Variants in CADM2 observed in about 807,000 individuals in gnomAD.
CADM2 encodes cell adhesion molecule 2.
In CADM2, 12 loss-of-function variants were observed where a neutral mutation model predicts 49.8. The ratio of observed to expected loss-of-function variants is 0.24; its 90% confidence interval spans 0.15 to 0.39. The LOEUF is 0.39. Ranked by LOEUF, CADM2 falls within the 10% of genes least tolerant of loss-of-function variation. The pLI is 1.00. For synonymous variants in CADM2, 214 were observed against 175.4 expected, an observed-to-expected ratio of 1.22 and a Z score of -1.74; for missense variants, 378 against 492.3, an observed-to-expected ratio of 0.77 and a Z score of 2.20.
chr3:85,513,466 G>T (rs1310885263), intron 1 of CADM2, among the ~76,000 whole-genome samples: 3 of 151,746 alleles, frequency 2.0e-5, no homozygotes, highest in East Asian at 3.9e-4. Flanking sequence ...CATCTCTGGG[G>T]TCCTTTGTAG....
At chr3:85,121,934 C>T (rs758368565) in intron 1 of CADM2, among the ~76,000 whole-genome samples, 15 of 152,068 alleles carry the variant, frequency 9.9e-5, no homozygotes, top group Non-Finnish European at 1.6e-4. Flanking sequence ...AATTTATCTT[C>T]GCTATCTTAT....
At chr3:85,570,136 G>A (rs1217506383) in intron 1 of CADM2, among the ~76,000 whole-genome samples, 1 of 151,998 alleles carries the variant, frequency 6.6e-6, no homozygotes, top group Non-Finnish European at 1.5e-5. Flanking sequence ...CTTATCCTAA[G>A]GATAGTCATT....
At chr3:85,635,491 T>C (rs2064442834) in intron 1 of CADM2, among the ~76,000 whole-genome samples, 1 of 152,160 alleles carries the variant, frequency 6.6e-6, no homozygotes, top group Non-Finnish European at 1.5e-5. Flanking sequence ...TTGCACACTA[T>C]AGAAATTTTT....
chr3:85,392,082 T>C (rs1012078287), intron 1 of CADM2, among the ~76,000 whole-genome samples: 1 of 152,034 alleles, frequency 6.6e-6, no homozygotes, highest in African/African-American at 2.4e-5. Context: ...AGAACAGAAA[T>C]AATATTTTCA....
At chr3:85,782,976 C>T (rs2070748199) in intron 2 of CADM2, among the ~76,000 whole-genome samples, 1 of 152,134 alleles carries the variant, frequency 6.6e-6, no homozygotes, top group South Asian at 2.1e-4. Flanking sequence ...GTAAACAGTG[C>T]AAAACTTAAG....
intron 1 of CADM2, among the ~76,000 whole-genome samples, chr3:85,565,723 GA>G (rs1475066287): frequency 1.3e-5 from 2 of 151,952 alleles, no homozygotes; most frequent in Non-Finnish European, 2.9e-5. Context: ...GTAAGATAGG[GA>G]AAATAAGATG....
At chr3:85,082,868 TA>T (rs2037222060) in intron 1 of CADM2, among the ~76,000 whole-genome samples, 1 of 152,118 alleles carries the variant, frequency 6.6e-6, no homozygotes, top group Non-Finnish European at 1.5e-5. Context: ...CATCCCTTCC[TA>T]AAACACACGC....
intron 8 of CADM2, among the ~76,000 whole-genome samples, chr3:86,056,934 T>A (rs757434707): frequency 2.0e-5 from 3 of 152,222 alleles, no homozygotes; most frequent in African/African-American, 7.2e-5. Flanking sequence ...TTGTGTTTGC[T>A]TGGATTTGCT....
At chr3:85,287,630 C>A (rs115790191) in intron 1 of CADM2, among the ~76,000 whole-genome samples, 4,254 of 152,106 alleles carry the variant, frequency 0.028, 181 homozygotes, top group African/African-American at 0.096. Context: ...TACAAATATG[C>A]ATGGACTTAA....
At chr3:85,524,139 A>G (rs1376975682) in intron 1 of CADM2, among the ~76,000 whole-genome samples, 2 of 152,148 alleles carry the variant, frequency 1.3e-5, no homozygotes, top group Admixed American at 6.5e-5. Flanking sequence ...TAAATTGACT[A>G]AAGTTTGATG....
intron 1 of CADM2, among the ~76,000 whole-genome samples, chr3:85,550,880 T>C (rs904849881): frequency 6.6e-6 from 1 of 152,344 alleles, no homozygotes; most frequent in East Asian, 1.9e-4. Context: ...TGCACAGGTG[T>C]TTTGTACATG....
chr3:85,097,633 C>T (rs2037850203), intron 1 of CADM2, among the ~76,000 whole-genome samples: 1 of 152,128 alleles, frequency 6.6e-6, no homozygotes, highest in Admixed American at 6.6e-5. Context: ...AAAAGTGTTC[C>T]TATTTCTAAG....
intron 1 of CADM2, among the ~76,000 whole-genome samples, chr3:85,067,621 A>G (rs1283115180): frequency 6.6e-6 from 1 of 152,158 alleles, no homozygotes; most frequent in Non-Finnish European, 1.5e-5. Flanking sequence ...ATGCTCAATT[A>G]CGAATGAGTC....
intron 1 of CADM2, among the ~76,000 whole-genome samples, chr3:85,477,399 A>AGAT: frequency 6.6e-6 from 1 of 151,560 alleles, no homozygotes; most frequent in East Asian, 2.0e-4. Flanking sequence ...ATGAAAAAAA[A>AGAT]ATGTTAAAAT....
intron 1 of CADM2, among the ~76,000 whole-genome samples, chr3:85,190,967 A>G (rs2041193708): frequency 6.6e-6 from 1 of 152,132 alleles, no homozygotes; most frequent in South Asian, 2.1e-4. Flanking sequence ...ATATGTAAAG[A>G]GGTATAATGT....
chr3:85,312,925 A>G (rs1395070662), intron 1 of CADM2, among the ~76,000 whole-genome samples: 5 of 152,196 alleles, frequency 3.3e-5, no homozygotes, highest in South Asian at 2.1e-4. Flanking sequence ...CATGATTCCT[A>G]TAGGAGGAAG....
intron 2 of CADM2, among the ~76,000 whole-genome samples, chr3:85,784,002 A>G (rs987417208): frequency 9.2e-5 from 14 of 152,206 alleles, no homozygotes; most frequent in African/African-American, 2.9e-4. Context: ...AGCTTAATAA[A>G]TTGTTACTAA....
intron 1 of CADM2, among the ~76,000 whole-genome samples, chr3:85,571,771 AT>A (rs2062485686): frequency 6.6e-6 from 1 of 152,174 alleles, no homozygotes; most frequent in South Asian, 2.1e-4. Context: ...ATTTTCTGAC[AT>A]TGATGGGCAA....
intron 1 of CADM2, among the ~76,000 whole-genome samples, chr3:85,359,666 A>ATATATATATATATATATATATATATAT: frequency 2.3e-4 from 6 of 26,554 alleles, no homozygotes; most frequent in South Asian, 1.4e-3. Flanking sequence ...ATATATATAT[A>ATATATATATATATATATATATATATAT]TTTTTTTTTT....
Sources: allele counts gnomAD v4.1 joint callset (sites outside exome capture counted in the v4.1 genomes callset), GRCh38; gene constraint gnomAD v4.1.1; transcripts MANE v1.5; gene names NCBI Gene and HGNC (gene_info 2026-07-23, HGNC 2026-07-21).